RSRC1: variants seen among roughly 807,000 people sequenced by gnomAD.
RSRC1 encodes the protein serine/Arginine-related protein 53.
Under a neutral mutation model 49.1 loss-of-function variants are expected in RSRC1, and 39 were observed. That is an observed-to-expected ratio of 0.79 (90% CI 0.61 to 1.04). The LOEUF (loss-of-function observed/expected upper bound fraction) is 1.04. Ranked by LOEUF, RSRC1 falls within the 50% of genes least tolerant of loss-of-function variation. The pLI, the probability that RSRC1 is intolerant of heterozygous loss-of-function variation, is 0.00. For missense variants in RSRC1, 388 were observed against 402.4 expected (o/e 0.96, Z 0.31); for synonymous variants, 143 against 130.8 (o/e 1.09, Z -0.63).
intron 4 of RSRC1, among the ~76,000 whole-genome samples, chr3:158,244,547 A>T (rs562131389): frequency 2.4e-4 from 36 of 152,312 alleles, no homozygotes; most frequent in African/African-American, 7.9e-4. Context: ...GCATTTTTGC[A>T]TCAATGTTCA....
chr3:158,414,975 A>G (rs1022550797), intron 6 of RSRC1, among the ~76,000 whole-genome samples: 1 of 152,128 alleles, frequency 6.6e-6, no homozygotes, highest in African/African-American at 2.4e-5. Context: ...ATGAAATTAA[A>G]TGAGAATTTG....
chr3:158,152,082 GTT>G (rs67052238), intron 3 of RSRC1, among the ~76,000 whole-genome samples: 13 of 148,762 alleles, frequency 8.7e-5, no homozygotes, highest in East Asian at 5.9e-4. Context: ...TGGGCAAAAT[GTT>G]TTTTTTTTTC....
intron 3 of RSRC1, among the ~76,000 whole-genome samples, chr3:158,198,581 G>T (rs538385538): frequency 1.5e-4 from 23 of 152,186 alleles, no homozygotes; most frequent in African/African-American, 4.8e-4. Context: ...TTTCTTCCTA[G>T]CCTCGACGGT....
chr3:158,363,269 CTT>C (rs10635870), intron 6 of RSRC1, among the ~76,000 whole-genome samples: 25 of 141,338 alleles, frequency 1.8e-4, no homozygotes, highest in Admixed American at 2.8e-4. Context: ...CTTTTTTTTT[CTT>C]TTTTTTTTTT....
intron 4 of RSRC1, among the ~76,000 whole-genome samples, chr3:158,262,136 A>T (rs1489838888): frequency 6.6e-6 from 1 of 151,926 alleles, no homozygotes; most frequent in Non-Finnish European, 1.5e-5. Flanking sequence ...TATTTTGAGG[A>T]AGTCTAGTTT....
At chr3:158,184,208 C>T (rs1719797838) in intron 3 of RSRC1, among the ~76,000 whole-genome samples, 2 of 151,722 alleles carry the variant, frequency 1.3e-5, no homozygotes, top group East Asian at 3.9e-4. Flanking sequence ...TTCTTCTTGC[C>T]TCATGGAACA....
At chr3:158,315,463 G>A (rs1428681974) in intron 5 of RSRC1, among the ~76,000 whole-genome samples, 8 of 152,100 alleles carry the variant, frequency 5.3e-5, no homozygotes, top group African/African-American at 1.9e-4. Flanking sequence ...GAAAGAGATA[G>A]GCTATATGAT....
Position 158,219,720 on chromosome 3 carries a change from G to C in RSRC1, c.494+16475G>C, listed in dbSNP as rs1345265069. Among the ~76,000 whole-genome samples the C allele has an allele frequency of 2.0e-5, 3 of 151,552 alleles. No homozygotes were observed. In the East Asian group the frequency reaches 5.8e-4, roughly 29 times the overall value. The stretch of plus-strand genomic sequence containing the variant: ...AGACCATTTAGGAGTCTTATGGTAA[G>C]TAATGTGCGGGAGTAATGATGAAGC... On this transcript the variant is annotated intron_variant, in intron 4 of 9. Transcript: ENST00000611884.
rs184729875 is a variant in RSRC1, at chr3:158,207,304, A to G, written c.494+4059A>G. Among the ~76,000 whole-genome samples, 7 of 152,284 alleles carry G rather than the reference A, an allele frequency of 4.6e-5. No homozygotes were observed. The East Asian group carries it at 1.3e-3, about 29-fold the overall frequency. On this transcript the variant is annotated intron_variant, in intron 4 of 9. Coordinates refer to ENST00000611884, the MANE Select transcript of RSRC1 (RefSeq NM_001271838.2). ...AGCCCAGAAATCTCATTAGTAAAAG[A>G]TTGATCCCTTCTTTTCTCCCTCTCT...
At chr3:158,111,528 G>C (rs1457416330) in intron 1 of RSRC1, among the ~76,000 whole-genome samples, 2 of 152,172 alleles carry the variant, frequency 1.3e-5, no homozygotes. Context: ...TTTTTAAAAA[G>C]AGAGATGCTT....
At chr3:158,336,551 T>G (rs1011824417) in intron 5 of RSRC1, 10 of 152,840 alleles carry the variant, frequency 6.5e-5, no homozygotes, top group African/African-American at 2.4e-4. Context: ...GAAGACAGCC[T>G]TGTGTTCATT....
chr3:158,143,914 G>A (rs1409535037), intron 3 of RSRC1, among the ~76,000 whole-genome samples: 1 of 152,154 alleles, frequency 6.6e-6, no homozygotes, highest in African/African-American at 2.4e-5. Flanking sequence ...ATTACTAGCT[G>A]TAGAAAAAGC....
rs1737580619 is a variant in RSRC1, at chr3:158,461,016, GT to G, written c.652+15del. 8 of 1,582,526 alleles carry G rather than the reference GT, an allele frequency of 5.1e-6. No individual in the cohort carries two copies. The highest frequency in any genetic ancestry group is 1.1e-5 in the South Asian group (1 of 87,672). On this transcript the variant is annotated intron_variant, in intron 7 of 9. Coordinates refer to ENST00000611884, the MANE Select transcript of RSRC1 (RefSeq NM_001271838.2). ...AGAAAGGAGGAAGGTAAAGGCATGT[GT>G]TCATTTTTCTCTGAGAAATCACTAT...
chr3:158,244,916 G>A (rs1723798925), intron 4 of RSRC1, among the ~76,000 whole-genome samples: 2 of 150,838 alleles, frequency 1.3e-5, no homozygotes, highest in African/African-American at 2.4e-5. Flanking sequence ...ATGCATAAAG[G>A]TCTTTATAGT....
intron 3 of RSRC1, among the ~76,000 whole-genome samples, chr3:158,128,810 T>G (rs1715802192): frequency 6.6e-6 from 1 of 152,230 alleles, no homozygotes; most frequent in Non-Finnish European, 1.5e-5. Context: ...GTGCTTGTCT[T>G]TCATGACTTT....
intron 5 of RSRC1, among the ~76,000 whole-genome samples, chr3:158,334,021 A>G (rs1367528116): frequency 6.6e-6 from 1 of 152,228 alleles, no homozygotes; most frequent in East Asian, 1.9e-4. Context: ...AGACATTTAT[A>G]TAATTGTTTA....
At chr3:158,300,079 A>C (rs963716393) in intron 5 of RSRC1, among the ~76,000 whole-genome samples, 1 of 152,198 alleles carries the variant, frequency 6.6e-6, no homozygotes, top group African/African-American at 2.4e-5. Flanking sequence ...TTTTGACACT[A>C]AGTTATATTT....
chr3:158,483,103 A>G (rs1012301647), intron 7 of RSRC1, among the ~76,000 whole-genome samples: 1 of 152,020 alleles, frequency 6.6e-6, no homozygotes, highest in Non-Finnish European at 1.5e-5. Context: ...TTTGAAGGAC[A>G]CACATAAAAT....
At chr3:158,284,082 C>T (rs368658158) in intron 4 of RSRC1, among the ~76,000 whole-genome samples, 1 of 149,712 alleles carries the variant, frequency 6.7e-6, no homozygotes, top group East Asian at 2.0e-4. Context: ...GTGATGTTCC[C>T]CTTCCTGTGT....
Sources: allele counts gnomAD v4.1 joint callset (sites outside exome capture counted in the v4.1 genomes callset), GRCh38; gene constraint gnomAD v4.1.1; transcripts MANE v1.5; gene names NCBI Gene and HGNC (gene_info 2026-07-23, HGNC 2026-07-21).